FDXR: variants seen among roughly 807,000 people sequenced by gnomAD.
FDXR encodes NADPH:adrenodoxin oxidoreductase, mitochondrial.
A neutral mutation model predicts 58.3 loss-of-function variants in FDXR; 38 were observed. The observed-to-expected ratio is 0.65, with a 90% confidence interval of 0.50 to 0.85. The LOEUF is 0.85. Ranked by LOEUF, FDXR falls within the 40% of genes least tolerant of loss-of-function variation. The pLI, the probability that FDXR is intolerant of heterozygous loss-of-function variation, is 0.00. For synonymous variants in FDXR, 275 were observed against 273.8 expected (o/e 1.00, Z -0.04); for missense variants, 624 against 671.0 (o/e 0.93, Z 0.77).
chr17:74,862,714 C>T lies in FDXR; in HGVS notation c.*103G>A. 4 of 1,436,974 alleles carry T rather than the reference C, an allele frequency of 2.8e-6. No homozygotes were observed. Among genetic ancestry groups the T allele is most frequent in the South Asian group, 2.8e-5 (2 of 71,730 alleles). 89.0% of individuals were successfully genotyped at this position (1,436,974 alleles called of 1,614,324 possible). A position where few individuals can be genotyped will look rare whatever the true frequency, so the allele number is the denominator to read the frequency against. On this transcript the variant is annotated 3_prime_UTR_variant, in exon 12 of 12. Coordinates refer to ENST00000293195, the MANE Select transcript of FDXR (RefSeq NM_024417.5). ...AGCAGCCAAGCCTCCAAGCCAGGGCCGGCCGGGATCAGCAGAGGTGCAAAG... is the reference window on the plus strand; with the variant it reads ...AGCAGCCAAGCCTCCAAGCCAGGGCTGGCCGGGATCAGCAGAGGTGCAAAG...
At chr17:74,868,756 G>C (rs1056935504) in intron 2 of FDXR, 2 of 1,483,330 alleles carry the variant, frequency 1.3e-6, no homozygotes, top group Non-Finnish European at 1.8e-6. Flanking sequence ...CATTCTCTGA[G>C]GTTCTTCCGA....
Position 74,864,059 on chromosome 17 carries a change from A to G in FDXR, c.1011T>C (p.Asp337=). The change falls in exon 10 of 12, where the codon GAT becomes GAC. Residue 337 remains aspartate, a synonymous_variant. Coordinates refer to ENST00000293195, the MANE Select transcript of FDXR (RefSeq NM_024417.5). ...RLAVTRLEGV[D]EATRAVPTGD... ...CCGTGGGCACTGCACGGGTGGCCTCATCGACACCCTGTTGGGGAGAGTGTG... is the reference window on the plus strand; with the variant it reads ...CCGTGGGCACTGCACGGGTGGCCTCGTCGACACCCTGTTGGGGAGAGTGTG... The G allele has an allele frequency of 6.2e-7, 1 of 1,613,850 alleles. No homozygotes were observed. The highest frequency in any genetic ancestry group is 8.5e-7 in the Non-Finnish European group (1 of 1,179,978).
chr17:74,871,995 G>A (rs1327959009), intron 2 of FDXR, 41 bp downstream of exon 2: 6 of 1,465,966 alleles, frequency 4.1e-6, no homozygotes, highest in Non-Finnish European at 5.5e-6. Context: ...CCTTAGGACT[G>A]GAGCAGCAGG....
chr17:74,868,387 G>T, intron 2 of FDXR: 1 of 686,078 alleles, frequency 1.5e-6, no homozygotes, highest in Non-Finnish European at 2.7e-6. Context: ...GGCAGCCCGG[G>T]GTGCAACCTA....
chr17:74,868,417 A>G (rs2144671366), intron 2 of FDXR: 1 of 720,622 alleles, frequency 1.4e-6, no homozygotes, highest in Non-Finnish European at 2.5e-6. Flanking sequence ...TTCAATCAAG[A>G]AGAGAGCTAT....
intron 6 of FDXR, among the ~76,000 whole-genome samples, chr17:74,865,480 G>A (rs2038143253): frequency 1.3e-5 from 2 of 152,030 alleles, no homozygotes; most frequent in Admixed American, 6.6e-5. Context: ...AGCAGGGGAT[G>A]TGGCTTACTG....
chr17:74,863,193 T>C lies in FDXR; in HGVS notation c.1228A>G (p.Thr410Ala). The C allele has an allele frequency of 1.9e-6, 3 of 1,613,832 alleles. No individual in the cohort carries two copies. The highest frequency in any genetic ancestry group is 2.5e-6 in the Non-Finnish European group (3 of 1,179,982). Reference sequence around the variant, plus strand: ...CCGGTGAGGAAGCTGTCAGTCATGGTTGTGGCTATGACACCTGTAGGTCCT... The same window carrying C: ...CCGGTGAGGAAGCTGTCAGTCATGGCTGTGGCTATGACACCTGTAGGTCCT... ...KRGPTGVIAT[T>A]MTDSFLTGQM... The change falls in exon 11 of 12, where the codon ACC becomes GCC. Residue 410 changes from threonine (T) to alanine (A), a missense_variant. Transcript: ENST00000293195.
intron 3 of FDXR, 21 bp from the exon 4 acceptor site, chr17:74,866,589 G>A (rs1271644403): frequency 1.2e-6 from 2 of 1,613,400 alleles, no homozygotes; most frequent in East Asian, 4.5e-5. Flanking sequence ...CCCCGGGAAT[G>A]GGAGGGGTTA....
At chr17:74,865,843 G>A (rs376716170) in intron 5 of FDXR, 23 bp from the exon 6 acceptor site, 2 of 1,577,636 alleles carry the variant, frequency 1.3e-6, no homozygotes, top group African/African-American at 1.3e-5. Flanking sequence ...GGTCTTGATA[G>A]GGTCCCCCAG....
Position 74,868,222 on chromosome 17 carries a change from G to A in FDXR, c.178-1346C>T, listed in dbSNP as rs1216455466. ...CACCTCCCTCAAGCCCCACGATGTT[G>A]TACCCACAAAGCGCTCTGGGCTTGG... On this transcript the variant is annotated intron_variant, in intron 2 of 11. Transcript: ENST00000293195. 9 of 452,428 alleles carry A rather than the reference G, an allele frequency of 2.0e-5. No homozygotes were observed. The East Asian group carries it at 3.4e-4, about 17-fold the overall frequency. The allele number at this position is 452,428 out of a possible 1,614,324, so 28.0% of individuals were successfully genotyped here.
intron 2 of FDXR, among the ~76,000 whole-genome samples, chr17:74,870,516 C>CAAA (rs1168237892): frequency 0.082 from 4,469 of 54,366 alleles, 836 homozygotes; most frequent in African/African-American, 0.23. Flanking sequence ...GACTCCATCT[C>CAAA]AAAAAAAAAA....
In FDXR at chr17:74,864,350, G is replaced by C; in HGVS notation, c.803-3C>G. 3.2e-6 allele frequency: 5 copies of C among 1,575,766 alleles called. No individual in the cohort carries two copies. In the South Asian group the frequency reaches 5.7e-5, roughly 18 times the overall value. ...CCGCTTCCTCGGGCGGGGGACCTCT[G>C]TCAGCAACGTAGAATGTCTCCAGGC... is the stretch of plus-strand genomic sequence containing the variant. On this transcript the variant is annotated splice_polypyrimidine_tract_variant and splice_region_variant and intron_variant, in intron 8 of 11. Coordinates refer to ENST00000293195, the MANE Select transcript of FDXR (RefSeq NM_024417.5).
chr17:74,872,512 A>G (rs1291819765), intron 1 of FDXR: 7 of 613,272 alleles, frequency 1.1e-5, no homozygotes, highest in African/African-American at 1.9e-5. Context: ...CTCTCCACAA[A>G]ACGCTATATT....
rs753252635 is a variant in FDXR at position 74,862,791 on chromosome 17, G to A, written c.*26C>T. The A allele has an allele frequency of 6.3e-7, 1 of 1,595,294 alleles. No individual in the cohort carries two copies. Among genetic ancestry groups the A allele is most frequent in the Non-Finnish European group, 8.5e-7 (1 of 1,173,928 alleles). On this transcript the variant is annotated 3_prime_UTR_variant, in exon 12 of 12. Transcript: ENST00000293195. ...CCCTCCCAACACTCATCCCTTCCCT[G>A]CTGGGGGCCGGGGCTGGGGCTGGGC...
In FDXR at chr17:74,862,589, C is replaced by G. The variant is rs1347837045; in HGVS notation, c.*228G>C. The G allele has an allele frequency of 1.8e-6, 1 of 562,380 alleles. No homozygotes were observed. Among genetic ancestry groups the G allele is most frequent in the African/African-American group, 1.9e-5 (1 of 53,426 alleles). 34.8% of individuals were successfully genotyped at this position (562,380 alleles called of 1,614,324 possible). On this transcript the variant is annotated 3_prime_UTR_variant, in exon 12 of 12. Transcript: ENST00000293195. ...AGAGATGGGTAAGGGGTTAGATCGG[C>G]CCACACCTCCACCTGTCCCTAAGGT...
At chr17:74,863,810 A>G (rs2038060636) in intron 10 of FDXR, 86 bp downstream of exon 10, 2 of 1,489,742 alleles carry the variant, frequency 1.3e-6, no homozygotes, top group Admixed American at 1.9e-5. Flanking sequence ...ACATGTTGCT[A>G]GATGAATGAA....
At chr17:74,872,299 C>T in intron 1 of FDXR, 166 bp from the exon 2 acceptor site, 1 of 1,535,376 alleles carries the variant, frequency 6.5e-7, no homozygotes, top group Non-Finnish European at 8.7e-7. Context: ...TCTCTTACTT[C>T]ATCTGAACCC....
At chr17:74,870,516 C>CAAAAAA (rs1168237892) in intron 2 of FDXR, among the ~76,000 whole-genome samples, 2 of 54,998 alleles carry the variant, frequency 3.6e-5, no homozygotes, top group South Asian at 1.1e-3. Context: ...GACTCCATCT[C>CAAAAAA]AAAAAAAAAA....
chr17:74,864,922 T>G lies in FDXR; in HGVS notation c.619A>C (p.Ile207Leu), dbSNP rs1598518754. The G allele has an allele frequency of 2.5e-6, 4 of 1,614,144 alleles. No homozygotes were observed. Among genetic ancestry groups the G allele is most frequent in the Non-Finnish European group, 3.4e-6 (4 of 1,180,000 alleles). Residue 207 changes from isoleucine to leucine, a missense_variant, in exon 7 of 12, where the codon ATC becomes CTC. Ile to Leu is a conservative substitution (Grantham distance 5). Coordinates refer to ENST00000293195, the MANE Select transcript of FDXR (RefSeq NM_024417.5). Reference sequence around the variant, plus strand: ...AGTACACCCAGGGCTGCCTTCGTGATGTCCGTTCTCTGGCACAAAAGGAGG... The same window carrying G: ...AGTACACCCAGGGCTGCCTTCGTGAGGTCCGTTCTCTGGCACAAAAGGAGG... The part of the protein sequence containing the change: ...TPPEHLERTD[I>L]TKAALGVLRQ...
Sources: gnomAD v4.1 joint callset for allele counts (sites outside exome capture counted in the v4.1 genomes callset) on GRCh38, gnomAD v4.1.1 for gene constraint, MANE v1.5 for transcripts, NCBI Gene and HGNC (gene_info 2026-07-23, HGNC 2026-07-21) for gene names.